LRRC4: variants seen among roughly 807,000 people sequenced by gnomAD.
LRRC4 encodes leucine rich repeat containing 4, also known as leucine-rich repeat-containing protein 4.
A neutral mutation model predicts 37.9 loss-of-function variants in LRRC4; 11 were observed. The ratio of observed to expected loss-of-function variants is 0.29; its 90% CI spans 0.18 to 0.48. The LOEUF (loss-of-function observed/expected upper bound fraction) is 0.48. Ranked by LOEUF, LRRC4 falls within the 20% of genes least tolerant of loss-of-function variation. LRRC4 has a pLI of 0.99. For synonymous variants in LRRC4, 404 were observed against 346.7 expected (o/e 1.17, Z -1.84); for missense variants, 717 against 842.1 (o/e 0.85, Z 1.84).
At position 128,030,560 on chromosome 7, in the gene LRRC4, T is replaced by C. The variant is rs1350246592; in HGVS notation, c.81A>G (p.Gln27=). Residue 27 remains glutamine, a synonymous_variant, in exon 2 of 2, where the codon CAA becomes CAG. Coordinates refer to ENST00000249363, the MANE Select transcript of LRRC4 (RefSeq NM_022143.5). ...ILLPFVYLTA[Q]VWILCAAIAA... ...CGATGGCTGCACACAGAATCCACAC[T>C]TGCGCCGTGAGGTAGACGAACGGGA... The C allele has an allele frequency of 1.2e-6, 2 of 1,612,240 alleles. No individual in the cohort carries two copies. The highest frequency in any genetic ancestry group is 1.7e-6 in the Non-Finnish European group (2 of 1,178,904).
rs1240184246 is a variant in LRRC4, at chr7:128,030,101, C to T, written c.540G>A (p.Glu180=). 6.2e-7 allele frequency: 1 copy of T among 1,613,812 alleles called. No individual in the cohort carries two copies. The highest frequency in any genetic ancestry group is 8.5e-7 in the Non-Finnish European group (1 of 1,180,052). ...CAGAGATATACTCCAGCTTCTTGAGCTCCCCCAAGTCCAGGCGCATGAGGG... is the reference window on the plus strand; with the variant it reads ...CAGAGATATACTCCAGCTTCTTGAGTTCCCCCAAGTCCAGGCGCATGAGGG... ...VPSLMRLDLG[E]LKKLEYISEG... Residue 180 remains glutamate (E), a synonymous_variant, in exon 2 of 2, where the codon GAG becomes GAA. Coordinates refer to ENST00000249363, the MANE Select transcript of LRRC4 (RefSeq NM_022143.5).
In LRRC4 at chr7:128,030,113, C is replaced by T. The variant is rs754782789; in HGVS notation, c.528G>A (p.Leu176=). 2 of 1,614,082 alleles carry T rather than the reference C, an allele frequency of 1.2e-6. No homozygotes were observed. The highest frequency in any genetic ancestry group is 1.3e-5 in the African/African-American group (1 of 75,066). The change falls in exon 2 of 2, where the codon CTG becomes CTA. Residue 176 remains leucine (L), a synonymous_variant. Transcript: ENST00000249363. ...AFNRVPSLMR[L]DLGELKKLEY... ...CCAGCTTCTTGAGCTCCCCCAAGTC[C>T]AGGCGCATGAGGGAGGGCACCCGGT...
chr7:128,029,205 G>A lies in LRRC4; in HGVS notation c.1436C>T (p.Thr479Met), dbSNP rs531914482. 8 of 1,614,146 alleles carry A rather than the reference G, an allele frequency of 5.0e-6. No homozygotes were observed. Among genetic ancestry groups the A allele is most frequent in the Admixed American group, 1.7e-5 (1 of 60,016 alleles). The change falls in exon 2 of 2, where the codon ACG (threonine) becomes ATG (methionine). Residue 479 changes from threonine (T) to methionine (M), a missense_variant. Transcript: ENST00000249363. The surrounding 1 kb of genome is among the most constrained non-coding windows in gnomAD (Gnocchi z 4.2). ...ATATGCCGGCTGGTAACCAGTGGAC[G>A]TGGTAGGAACAGGCTTGTACTTTCG... is the stretch of plus-strand genomic sequence containing the variant. ...TTRKYKPVPT[T>M]STGYQPAYTT...
chr7:128,029,529 T>C lies in LRRC4; in HGVS notation c.1112A>G (p.Glu371Gly), dbSNP rs1480408820. The change falls in exon 2 of 2, where the codon GAA becomes GGA. Residue 371 changes from glutamate to glycine, a missense_variant. Physicochemically the swap from Glu to Gly is moderately conservative, Grantham distance 98 (BLOSUM62 -2). Transcript: ENST00000249363. This position sits in a 1 kb window ranked among gnomAD's most constrained non-coding sequence, Gnocchi z 4.2. ...DLNISEGRMA[E>G]LKCRTPPMSS... is the part of the protein sequence containing the mutation. ...CATAGGGGGAGTCCGACACTTAAGT[T>C]CTGCCATCCGACCCTCAGAAATGTT... The C allele has an allele frequency of 6.2e-7, 1 of 1,614,042 alleles. No homozygotes were observed. Among genetic ancestry groups the C allele is most frequent in the East Asian group, 2.2e-5 (1 of 44,864 alleles).
In LRRC4 at chr7:128,030,431, C is replaced by T. The variant is rs770509103; in HGVS notation, c.210G>A (p.Pro70=). Residue 70 remains proline (P), a synonymous_variant, in exon 2 of 2, where the codon CCG becomes CCA. Coordinates refer to ENST00000249363, the MANE Select transcript of LRRC4 (RefSeq NM_022143.5). ...VCTRRGLSEV[P]QGIPSNTRYL... ...ACCGGGTGTTCGAGGGAATACCCTGCGGGACCTCGGAGAGGCCCCGGCGCG... is the reference window on the plus strand; with the variant it reads ...ACCGGGTGTTCGAGGGAATACCCTGTGGGACCTCGGAGAGGCCCCGGCGCG... 1.2e-6 allele frequency: 2 copies of T among 1,613,788 alleles called. No homozygotes were observed. Among genetic ancestry groups the T allele is most frequent in the Non-Finnish European group, 8.5e-7 (1 of 1,180,036 alleles).
At position 128,028,353 on chromosome 7, in the gene LRRC4, T is replaced by G; in HGVS notation, c.*326A>C. The G allele has an allele frequency of 3.9e-5, 9 of 231,624 alleles. No homozygotes were observed. Among genetic ancestry groups the G allele is most frequent in the Admixed American group, 1.0e-4 (2 of 19,456 alleles). 14.3% of individuals were successfully genotyped at this position (231,624 alleles called of 1,614,324 possible). On this transcript the variant is annotated 3_prime_UTR_variant, in exon 2 of 2. Coordinates refer to ENST00000249363, the MANE Select transcript of LRRC4 (RefSeq NM_022143.5). Reference sequence around the variant, plus strand: ...AGCCCACACCCTACCTCTTTAAGGATGTTTGTTGTTTTAGTTTATTTTATC... The same window carrying G: ...AGCCCACACCCTACCTCTTTAAGGAGGTTTGTTGTTTTAGTTTATTTTATC...
chr7:128,030,055 A>C lies in LRRC4; in HGVS notation c.586T>G (p.Phe196Val). The change falls in exon 2 of 2, where the codon TTC becomes GTC. Residue 196 changes from phenylalanine to valine, a missense_variant. Physicochemically the swap from Phe to Val is conservative, Grantham distance 50. Transcript: ENST00000249363. The stretch of plus-strand genomic sequence containing the variant: ...CCCAAGTTCAGATACTTGAGGTTGA[A>C]CAGCCCCTCAAAAGCTCCCTCAGAG... ...YISEGAFEGL[F>V]NLKYLNLGMC... 6.2e-7 allele frequency: 1 copy of C among 1,613,314 alleles called. No homozygotes were observed. The highest frequency in any genetic ancestry group is 8.5e-7 in the Non-Finnish European group (1 of 1,180,010).
Position 128,027,313 on chromosome 7 carries a change from G to A in LRRC4, c.*1366C>T, listed in dbSNP as rs1172130389. On this transcript the variant is annotated 3_prime_UTR_variant, in exon 2 of 2. Transcript: ENST00000249363. ...CCTTTCTCTTCCACCTTCTCCTGAG[G>A]GGGCCTGGGAGAGGGAAGCTTCCCA... The A allele has an allele frequency of 1.3e-5, 2 of 152,500 alleles. No individual in the cohort carries two copies. The highest frequency in any genetic ancestry group is 1.3e-4 in the Admixed American group (2 of 15,274). 9.4% of individuals were successfully genotyped at this position (152,500 alleles called of 1,614,324 possible). A position where few individuals can be genotyped will look rare whatever the true frequency, so the allele number is the denominator to read the frequency against.
chr7:128,031,725 G>A (rs1792611221), upstream of LRRC4: 1 of 143,864 alleles, frequency 7.0e-6, no homozygotes, highest in Non-Finnish European at 1.5e-5. Context: ...CCGGGGGCGG[G>A]CGCGGGTCCG....
Position 128,029,219 on chromosome 7 carries a change from C to G in LRRC4, c.1422G>C (p.Lys474Asn). ...AACCAGTGGACGTGGTAGGAACAGG[C>G]TTGTACTTTCGCGTTGTGTCCTCAG... ...ISPEDTTRKY[K>N]PVPTTSTGYQ... Residue 474 changes from lysine (K) to asparagine (N), a missense_variant, in exon 2 of 2, where the codon AAG (lysine) becomes AAC (asparagine). By Grantham distance (94) the Lys-to-Asn change is moderately conservative (BLOSUM62 0). Coordinates refer to ENST00000249363, the MANE Select transcript of LRRC4 (RefSeq NM_022143.5). This position sits in a 1 kb window ranked among gnomAD's most constrained non-coding sequence, Gnocchi z 4.2. 1 of 1,614,098 alleles carries G rather than the reference C, an allele frequency of 6.2e-7. No homozygotes were observed.
Position 128,029,989 on chromosome 7 carries a change from C to G in LRRC4, c.652G>C (p.Val218Leu). The G allele has an allele frequency of 6.2e-7, 1 of 1,613,144 alleles. No homozygotes were observed. Among genetic ancestry groups the G allele is most frequent in the South Asian group, 1.1e-5 (1 of 91,084 alleles). ...GACATCTCCAGCTCCTCCAGCCCCA[C>G]CAGGGGGGTGAGATTGGGCATGTCT... is the stretch of plus-strand genomic sequence containing the variant. ...IKDMPNLTPL[V>L]GLEELEMSGN... The change falls in exon 2 of 2, where the codon GTG (valine) becomes CTG (leucine). Residue 218 changes from valine (V) to leucine (L), a missense_variant. Transcript: ENST00000249363. The surrounding 1 kb of genome is among the most constrained non-coding windows in gnomAD (Gnocchi z 4.2).
In LRRC4 at chr7:128,027,533, A is replaced by G. The variant is rs1270535367; in HGVS notation, c.*1146T>C. On this transcript the variant is annotated 3_prime_UTR_variant, in exon 2 of 2. Transcript: ENST00000249363. The stretch of plus-strand genomic sequence containing the variant: ...GTTCTGCCCCCACCCCATCACCACA[A>G]CCAGTTGACATCCGCTGTAATAATC... 1 of 152,246 alleles carries G rather than the reference A, an allele frequency of 6.6e-6. No individual in the cohort carries two copies. The highest frequency in any genetic ancestry group is 6.5e-5 in the Admixed American group (1 of 15,272). 9.4% of individuals were successfully genotyped at this position (152,246 alleles called of 1,614,324 possible). A position where few individuals can be genotyped will look rare whatever the true frequency, so the allele number is the denominator to read the frequency against.
In LRRC4 at chr7:128,030,218, C is replaced by A; in HGVS notation, c.423G>T (p.Gly141=). ...GCAGCTTGGACAGGTATTCAAAGGC[C>A]CCGCTAGGGATGACTGTCAGCCAGT... ...FDNWLTVIPS[G]AFEYLSKLRE... Residue 141 remains glycine (G), a synonymous_variant, in exon 2 of 2, where the codon GGG becomes GGT. Coordinates refer to ENST00000249363, the MANE Select transcript of LRRC4 (RefSeq NM_022143.5). The A allele has an allele frequency of 6.2e-7, 1 of 1,614,212 alleles. No individual in the cohort carries two copies. Among genetic ancestry groups the A allele is most frequent in the Non-Finnish European group, 8.5e-7 (1 of 1,180,042 alleles).
chr7:128,031,949 G>A (rs1451185549), upstream of LRRC4: 1 of 150,880 alleles, frequency 6.6e-6, no homozygotes, highest in Non-Finnish European at 1.5e-5. Flanking sequence ...CCGGAGCCCA[G>A]GAACATAGTC....
In LRRC4 at chr7:128,028,432, C is replaced by T. The variant is rs1379897579; in HGVS notation, c.*247G>A. 2.5e-6 allele frequency: 1 copy of T among 395,990 alleles called. No individual in the cohort carries two copies. The highest frequency in any genetic ancestry group is 2.1e-5 in the African/African-American group (1 of 48,608). 24.5% of individuals were successfully genotyped at this position (395,990 alleles called of 1,614,324 possible). ...CCCTTCTGGCAGCATAGCAAGTTAA[C>T]TTGTGGCTTGTACCCCACAACGTTC... On this transcript the variant is annotated 3_prime_UTR_variant, in exon 2 of 2. Coordinates refer to ENST00000249363, the MANE Select transcript of LRRC4 (RefSeq NM_022143.5).
In LRRC4 at chr7:128,027,304, TCTC is replaced by T. The variant is rs905868819; in HGVS notation, c.*1372_*1374del. 21 of 147,078 alleles carry T rather than the reference TCTC, an allele frequency of 1.4e-4. No individual in the cohort carries two copies. Among genetic ancestry groups the T allele is most frequent in the African/African-American group, 5.2e-4 (21 of 40,424 alleles). 9.1% of individuals were successfully genotyped at this position (147,078 alleles called of 1,614,324 possible). A position where few individuals can be genotyped will look rare whatever the true frequency, so the allele number is the denominator to read the frequency against. On this transcript the variant is annotated 3_prime_UTR_variant, in exon 2 of 2. Transcript: ENST00000249363. The stretch of plus-strand genomic sequence containing the variant: ...CACGCCCACCCTTTCTCTTCCACCT[TCTC>T]CTGAGGGGGCCTGGGAGAGGGAAGC...
Position 128,028,998 on chromosome 7 carries a change from T to C in LRRC4, c.1643A>G (p.Tyr548Cys). The C allele has an allele frequency of 6.2e-7, 1 of 1,613,306 alleles. No homozygotes were observed. Among genetic ancestry groups the C allele is most frequent in the Non-Finnish European group, 8.5e-7 (1 of 1,179,642 alleles). Reference sequence around the variant, plus strand: ...CTGCTGGTGCCGCTTACGAAGTTTATAGAAGACAATCAACATGGCGGCAGC... The same window carrying C: ...CTGCTGGTGCCGCTTACGAAGTTTACAGAAGACAATCAACATGGCGGCAGC... ...LLAAAMLIVF[Y>C]KLRKRHQQRS... Residue 548 changes from tyrosine to cysteine, a missense_variant, in exon 2 of 2, where the codon TAT (tyrosine) becomes TGT (cysteine). Physicochemically the swap from Tyr to Cys is radical, Grantham distance 194 (BLOSUM62 -2). Around this residue, in one of 5 missense-constraint regions of LRRC4, gnomAD observed 140 missense variants for 137.2 expected, o/e 1.02. Coordinates refer to ENST00000249363, the MANE Select transcript of LRRC4 (RefSeq NM_022143.5).
In LRRC4 at chr7:128,029,497, C is replaced by G; in HGVS notation, c.1144G>C (p.Val382Leu). The change falls in exon 2 of 2, where the codon GTG becomes CTG. Residue 382 changes from valine (V) to leucine (L), a missense_variant. Val to Leu is a conservative substitution (Grantham distance 32). Transcript: ENST00000249363. The surrounding 1 kb of genome is among the most constrained non-coding windows in gnomAD (Gnocchi z 4.2). ...GTCCCATTGGGCAGCAACCACTTCA[C>G]GGAGGACATAGGGGGAGTCCGACAC... ...LKCRTPPMSS[V>L]KWLLPNGTVL... 6.2e-7 allele frequency: 1 copy of G among 1,614,076 alleles called. No homozygotes were observed. The highest frequency in any genetic ancestry group is 2.2e-5 in the East Asian group (1 of 44,880).
Position 128,029,989 on chromosome 7 carries a change from C to T in LRRC4, c.652G>A (p.Val218Met). Residue 218 changes from valine (V) to methionine (M), a missense_variant, in exon 2 of 2, where the codon GTG (valine) becomes ATG (methionine). This residue lies in a region of LRRC4 where 138 missense variants were observed against 261.0 expected (regional missense o/e 0.53). Transcript: ENST00000249363. The surrounding 1 kb of genome is among the most constrained non-coding windows in gnomAD (Gnocchi z 4.2). ...IKDMPNLTPL[V>M]GLEELEMSGN... Reference sequence around the variant, plus strand: ...GACATCTCCAGCTCCTCCAGCCCCACCAGGGGGGTGAGATTGGGCATGTCT... The same window carrying T: ...GACATCTCCAGCTCCTCCAGCCCCATCAGGGGGGTGAGATTGGGCATGTCT... 1 of 1,613,144 alleles carries T rather than the reference C, an allele frequency of 6.2e-7. No homozygotes were observed. The highest frequency in any genetic ancestry group is 8.5e-7 in the Non-Finnish European group (1 of 1,180,030).
Sources: gnomAD v4.1 joint callset for allele counts on GRCh38, gnomAD v4.1.1 for gene constraint, gnomAD v4.1.1 regional missense constraint, Gnocchi (gnomAD v3.1) non-coding constraint, MANE v1.5 for transcripts, NCBI Gene and HGNC (gene_info 2026-07-23, HGNC 2026-07-21) for gene names.